The following KIF22 variants were observed in gnomAD, a reference collection of about 807,000 sequenced individuals.
The protein encoded by KIF22 is kinesin family member 22.
A neutral mutation model predicts 73.0 loss-of-function variants in KIF22; 62 were observed. That is an observed-to-expected ratio of 0.85 (90% confidence interval 0.69 to 1.05). The LOEUF (loss-of-function observed/expected upper bound fraction) is 1.05, where lower values mean the gene tolerates loss of function less well. Ranked by LOEUF, KIF22 falls within the 50% of genes least tolerant of loss-of-function variation. The pLI is 0.00. For synonymous variants in KIF22, 411 were observed against 340.1 expected (o/e 1.21, Z -2.29); for missense variants, 854 against 870.1 (o/e 0.98, Z 0.23).
intron 1 of KIF22, among the ~76,000 whole-genome samples, chr16:29,794,166 G>A (rs773678160): frequency 6.6e-5 from 10 of 152,228 alleles, no homozygotes; most frequent in Non-Finnish European, 1.3e-4. Context: ...GGAGGCTGAG[G>A]AGGGTTCATA....
chr16:29,804,628 T>G (rs761015158), intron 11 of KIF22, 186 bp from the exon 12 acceptor site: 6 of 700,220 alleles, frequency 8.6e-6, no homozygotes, highest in African/African-American at 1.7e-5. Flanking sequence ...GTAGTACCTC[T>G]CTTTCACTAG....
Position 29,796,975 on chromosome 16 carries a change from G to T in KIF22, c.153G>T (p.Arg51=). The T allele has an allele frequency of 6.2e-7, 1 of 1,614,184 alleles. No homozygotes were observed. The change falls in exon 2 of 14, where the codon CGG becomes CGT. Residue 51 remains arginine (R), a synonymous_variant. Coordinates refer to ENST00000160827, the MANE Select transcript of KIF22 (RefSeq NM_007317.3). ...GCGTAAGGGTGGCTGTGCGACTGCG[G>T]CCATTTGTGGATGGAACAGCGGGAG... is the stretch of plus-strand genomic sequence containing the variant. ...PARVRVAVRL[R]PFVDGTAGAS...
intron 9 of KIF22, among the ~76,000 whole-genome samples, 154 bp downstream of exon 9, chr16:29,803,091 T>C (rs189904457): frequency 6.6e-6 from 1 of 152,162 alleles, no homozygotes; most frequent in Admixed American, 6.5e-5. Context: ...GTCCTTAACA[T>C]GGCTGAACTT....
chr16:29,795,839 G>A (rs1898935802), intron 1 of KIF22, among the ~76,000 whole-genome samples: 1 of 152,060 alleles, frequency 6.6e-6, no homozygotes, highest in South Asian at 2.1e-4. Flanking sequence ...TTACATGAGA[G>A]AAGAATTGCA....
intron 12 of KIF22, 29 bp from the exon 13 acceptor site, chr16:29,805,086 C>T (rs775398983): frequency 1.2e-5 from 19 of 1,613,064 alleles, no homozygotes; most frequent in Non-Finnish European, 1.6e-5. Flanking sequence ...CCCCCGAGAC[C>T]CTGTCCCCTA....
chr16:29,793,180 C>CGAG (rs1359745529), intron 1 of KIF22, among the ~76,000 whole-genome samples: 1 of 152,134 alleles, frequency 6.6e-6, no homozygotes, highest in African/African-American at 2.4e-5. Context: ...GCTGGGCTCA[C>CGAG]GCCTGTAATC....
Position 29,796,968 on chromosome 16 carries a change from G to A in KIF22, c.146G>A (p.Arg49Gln), listed in dbSNP as rs751762149. The A allele has an allele frequency of 3.7e-6, 6 of 1,614,042 alleles. No homozygotes were observed. Among genetic ancestry groups the A allele is most frequent in the Non-Finnish European group, 5.1e-6 (6 of 1,180,044 alleles). Residue 49 changes from arginine to glutamine, a missense_variant, in exon 2 of 14, where the codon CGA (arginine) becomes CAA (glutamine). Transcript: ENST00000160827. ...PPPARVRVAV[R>Q]LRPFVDGTAG... Reference sequence around the variant, plus strand: ...CCAGCTCGCGTAAGGGTGGCTGTGCGACTGCGGCCATTTGTGGATGGAACA... The same window carrying A: ...CCAGCTCGCGTAAGGGTGGCTGTGCAACTGCGGCCATTTGTGGATGGAACA...
intron 9 of KIF22, 62 bp downstream of exon 9, chr16:29,802,999 C>A: frequency 6.6e-7 from 1 of 1,525,354 alleles, no homozygotes. Context: ...ATCCTTGGAT[C>A]TTCAGACAGG....
intron 11 of KIF22, chr16:29,804,435 G>C: frequency 3.2e-6 from 2 of 626,540 alleles, no homozygotes. Context: ...TGAGATGGTT[G>C]GGGGAGGTAT....
intron 1 of KIF22, among the ~76,000 whole-genome samples, chr16:29,795,853 C>A (rs896139544): frequency 6.6e-6 from 1 of 152,068 alleles, no homozygotes; most frequent in Non-Finnish European, 1.5e-5. Context: ...AATTGCATGT[C>A]GGTGGTTTTT....
rs1385694245 is a variant in KIF22, at chr16:29,804,941, G to A, written c.1805G>A (p.Arg602Gln). ...ILDLLNEGSA[R>Q]DLRSLQRIGP... ...GATCTGCTGAACGAAGGCTCAGCCC[G>A]AGATCTCCGCAGTCTTCAGCGCATT... is the stretch of plus-strand genomic sequence containing the variant. The change falls in exon 12 of 14, where the codon CGA (arginine) becomes CAA (glutamine). Residue 602 changes from arginine (R) to glutamine (Q), a missense_variant. Coordinates refer to ENST00000160827, the MANE Select transcript of KIF22 (RefSeq NM_007317.3). The A allele has an allele frequency of 6.2e-7, 1 of 1,613,542 alleles. No homozygotes were observed. The highest frequency in any genetic ancestry group is 8.5e-7 in the Non-Finnish European group (1 of 1,179,960).
chr16:29,799,676 CCT>C lies in KIF22; in HGVS notation c.1040_1041del (p.Pro347ArgfsTer29), dbSNP rs1166735901. On this transcript the variant is annotated frameshift_variant, in exon 7 of 14. Transcript: ENST00000160827. LOFTEE classifies it high-confidence loss of function. ...AHSILIANIA[P>X]ERRFYLDTVS... The stretch of plus-strand genomic sequence containing the variant: ...CAGTATCCTTATTGCCAACATTGCC[CCT>C]GAGAGACGCTTCTACCTAGACACAG... 11 of 1,614,032 alleles carry C rather than the reference CCT, an allele frequency of 6.8e-6. No individual in the cohort carries two copies. Among genetic ancestry groups the C allele is most frequent in the South Asian group, 1.1e-5 (1 of 91,060 alleles).
chr16:29,798,699 A>G lies in KIF22; in HGVS notation c.501A>G (p.Pro167=), dbSNP rs755824124. 1.2e-6 allele frequency: 2 copies of G among 1,614,114 alleles called. No homozygotes were observed. The highest frequency in any genetic ancestry group is 1.1e-5 in the South Asian group (1 of 91,076). The change falls in exon 4 of 14, where the codon CCA becomes CCG. Residue 167 remains proline (P), a synonymous_variant. Coordinates refer to ENST00000160827, the MANE Select transcript of KIF22 (RefSeq NM_007317.3). This position sits in a 1 kb window ranked among gnomAD's most constrained non-coding sequence, Gnocchi z 4.1. The part of the protein sequence containing the change: ...LTREEGAEGR[P]WALSVTMSYL... ...GGGAGGAGGGTGCCGAGGGCCGGCC[A>G]TGGGCCCTTTCTGTCACCATGTCTT...
At chr16:29,800,145 T>C (rs1244884712) in intron 8 of KIF22, 97 bp downstream of exon 8, 11 of 1,386,964 alleles carry the variant, frequency 7.9e-6, no homozygotes, top group East Asian at 7.0e-5. Context: ...AGCTGTGATC[T>C]TGTTCCTCTC....
chr16:29,804,876 C>G lies in KIF22; in HGVS notation c.1740C>G (p.Ile580Met). The change falls in exon 12 of 14, where the codon ATC becomes ATG. Residue 580 changes from isoleucine (I) to methionine (M), a missense_variant. Physicochemically the swap from Ile to Met is conservative, Grantham distance 10. This residue lies in a region of KIF22 where 423 missense variants were observed against 365.4 expected (regional missense o/e 1.16). Coordinates refer to ENST00000160827, the MANE Select transcript of KIF22 (RefSeq NM_007317.3). The stretch of plus-strand genomic sequence containing the variant: ...CTGAGGACTGCTGGGAGCTACAGAT[C>G]AGCCCGGAGCTACTGGCTCATGGGC... ...EKAEDCWELQ[I>M]SPELLAHGRQ... is the part of the protein sequence containing the mutation. The G allele has an allele frequency of 6.2e-7, 1 of 1,613,928 alleles. No homozygotes were observed. The highest frequency in any genetic ancestry group is 8.5e-7 in the Non-Finnish European group (1 of 1,179,974).
At chr16:29,790,908 G>T (rs1898795288) in intron 1 of KIF22, 79 bp downstream of exon 1, 3 of 1,538,396 alleles carry the variant, frequency 2.0e-6, no homozygotes, top group Non-Finnish European at 1.8e-6. Context: ...TGTGGTCCAG[G>T]CTCTGCGGGT....
chr16:29,796,050 C>G (rs1168143972), intron 1 of KIF22, among the ~76,000 whole-genome samples: 3 of 151,964 alleles, frequency 2.0e-5, no homozygotes, highest in African/African-American at 7.3e-5. Context: ...GCAGGCAGAT[C>G]ACTTGAGGTC....
chr16:29,800,605 A>C (rs573395874), intron 8 of KIF22, among the ~76,000 whole-genome samples: 1 of 152,108 alleles, frequency 6.6e-6, no homozygotes, highest in Non-Finnish European at 1.5e-5. Flanking sequence ...TCTCTACTAA[A>C]AATACAAAAA....
At position 29,802,913 on chromosome 16, in the gene KIF22, G is replaced by A. The variant is rs2450399; in HGVS notation, c.1425G>A (p.Val475=). 0.98 allele frequency: 1,586,278 copies of A among 1,612,538 alleles called. 783,002 individuals are homozygous for A. Among genetic ancestry groups the A allele is most frequent in the Non-Finnish European group, 1 (1,178,956 of 1,179,586 alleles). Residue 475 remains valine (V), a synonymous_variant, in exon 9 of 14, where the codon GTG becomes GTA. Coordinates refer to ENST00000160827, the MANE Select transcript of KIF22 (RefSeq NM_007317.3). ...AGCGGATGGTGCTAATGAAGACAGTGGAAGAGAAGGACCTAGAGATTGAGG... is the reference window on the plus strand; with the variant it reads ...AGCGGATGGTGCTAATGAAGACAGTAGAAGAGAAGGACCTAGAGATTGAGG... ...KRERMVLMKT[V]EEKDLEIERL... is the part of the protein sequence containing the mutation.
Sources: gnomAD v4.1 joint callset for allele counts (sites outside exome capture counted in the v4.1 genomes callset) on GRCh38, gnomAD v4.1.1 for gene constraint, gnomAD v4.1.1 regional missense constraint, Gnocchi (gnomAD v3.1) non-coding constraint, MANE v1.5 for transcripts, NCBI Gene and HGNC (gene_info 2026-07-23, HGNC 2026-07-21) for gene names.